Variants in MTCH2 observed in about 807,000 individuals in gnomAD.
MTCH2 encodes the protein mitochondrial carrier homolog 2.
Under a neutral mutation model 50.6 loss-of-function variants are expected in MTCH2, and 25 were observed. That is an observed-to-expected ratio of 0.49 (90% CI 0.36 to 0.69). The LOEUF is 0.69. Ranked by LOEUF, MTCH2 falls within the 30% of genes least tolerant of loss-of-function variation. MTCH2 has a pLI of 0.00. For synonymous variants in MTCH2, 106 were observed against 132.0 expected (o/e 0.80, Z 1.35); for missense variants, 273 against 384.4 (o/e 0.71, Z 2.42).
chr11:47,636,423 G>C (rs575490348), intron 3 of MTCH2, among the ~76,000 whole-genome samples: 30 of 144,140 alleles, frequency 2.1e-4, no homozygotes, highest in African/African-American at 7.8e-4. Context: ...AACAGAGCAA[G>C]ACTCCATCTC....
intron 9 of MTCH2, among the ~76,000 whole-genome samples, chr11:47,627,689 T>C (rs1046183911): frequency 1.3e-5 from 2 of 151,520 alleles, no homozygotes; most frequent in African/African-American, 4.9e-5. Context: ...GGAGGTGCAG[T>C]GAGCTGTGAT....
At chr11:47,613,422 C>T (rs977365083), downstream of MTCH2, among the ~76,000 whole-genome samples, 3 of 152,000 alleles carry the variant, frequency 2.0e-5, no homozygotes, top group African/African-American at 7.3e-5. Flanking sequence ...CCTGAATGAA[C>T]CCATCCATTC....
chr11:47,614,689 C>A (rs556360661), downstream of MTCH2, among the ~76,000 whole-genome samples: 1 of 152,328 alleles, frequency 6.6e-6, no homozygotes, highest in East Asian at 1.9e-4. Flanking sequence ...TTCAGCGATT[C>A]TCCTGCTTCA....
At chr11:47,607,766 G>A in the MTCH2 span, among the ~76,000 whole-genome samples, 21 of 152,300 alleles carry the variant, frequency 1.4e-4, no homozygotes, top group South Asian at 2.7e-3. Context: ...TGGGAAGACC[G>A]AATCCCGATG....
the MTCH2 span, among the ~76,000 whole-genome samples, chr11:47,608,553 A>AGAC: frequency 6.6e-6 from 1 of 152,184 alleles, no homozygotes; most frequent in Non-Finnish European, 1.5e-5. Flanking sequence ...CTTCCGTGGA[A>AGAC]GACAACAGAC....
intron 1 of MTCH2, among the ~76,000 whole-genome samples, chr11:47,640,012 T>C (rs1012234030): frequency 1.3e-5 from 2 of 152,150 alleles, no homozygotes; most frequent in Non-Finnish European, 2.9e-5. Context: ...TTGATTATTG[T>C]TGTGACTCTT....
chr11:47,639,192 G>A, intron 1 of MTCH2, 141 bp from the exon 2 acceptor site: 1 of 696,802 alleles, frequency 1.4e-6, no homozygotes, highest in Middle Eastern at 3.0e-4. Flanking sequence ...AGGCAATGAT[G>A]AAGCATCATT....
At chr11:47,638,926 C>T in intron 2 of MTCH2, 41 bp downstream of exon 2, 1 of 1,587,094 alleles carries the variant, frequency 6.3e-7, no homozygotes, top group Non-Finnish European at 8.6e-7. Context: ...CTATCACAGT[C>T]CTCAACGTCA....
Position 47,634,720 on chromosome 11 carries a change from TC to T in MTCH2, c.320del (p.Gly107GlufsTer22). ...AAGATGAGACTTCTTTCTGTACATT[TC>T]CAGGTCCTAACTCCTGGAAATCAAA... is the stretch of plus-strand genomic sequence containing the variant. ...ESDKGEELGP[G>X]NVQKEVSSSF... On this transcript the variant is annotated frameshift_variant, in exon 5 of 13. Transcript: ENST00000302503. LOFTEE classifies it high-confidence loss of function. 1 of 1,604,792 alleles carries T rather than the reference TC, an allele frequency of 6.2e-7. No individual in the cohort carries two copies. The highest frequency in any genetic ancestry group is 8.5e-7 in the Non-Finnish European group (1 of 1,173,900).
At chr11:47,632,609 C>A (rs533009598) in intron 5 of MTCH2, among the ~76,000 whole-genome samples, 1 of 152,092 alleles carries the variant, frequency 6.6e-6, no homozygotes, top group Non-Finnish European at 1.5e-5. Flanking sequence ...CCGCCCGCCT[C>A]GGCCTCCCAA....
downstream of MTCH2, among the ~76,000 whole-genome samples, chr11:47,613,314 CAG>C (rs1017620371): frequency 6.6e-6 from 1 of 152,124 alleles, no homozygotes; most frequent in Admixed American, 6.6e-5. Context: ...AAAGCCTAAA[CAG>C]AGCTCTGAAA....
At chr11:47,634,521 G>A (rs1003687297) in intron 5 of MTCH2, 151 bp downstream of exon 5, 1 of 571,964 alleles carries the variant, frequency 1.7e-6, no homozygotes. Flanking sequence ...TCTTTTTAAT[G>A]TTATACATGT....
rs1268502928 is a variant in MTCH2 at position 47,618,063 on chromosome 11, A to G, written c.*770T>C. ...TCTGCTTTTCATATTTTATGTGAAA[A>G]CAAGAACTTCCTTTGAGGAAAAAAG... On this transcript the variant is annotated 3_prime_UTR_variant, in exon 13 of 13. Coordinates refer to ENST00000302503, the MANE Select transcript of MTCH2 (RefSeq NM_014342.4). 3 of 152,248 alleles carry G rather than the reference A, an allele frequency of 2.0e-5. No individual in the cohort carries two copies. In the East Asian group the frequency reaches 5.8e-4, roughly 29 times the overall value. The allele number at this position is 152,248 out of a possible 1,614,324, so 9.4% of individuals were successfully genotyped here. A position where few individuals can be genotyped will look rare whatever the true frequency, so the allele number is the denominator to read the frequency against.
At chr11:47,611,414 C>T in the MTCH2 span, among the ~76,000 whole-genome samples, 1 of 152,252 alleles carries the variant, frequency 6.6e-6, no homozygotes, top group Non-Finnish European at 1.5e-5. Flanking sequence ...GCTAGATGGC[C>T]AGCCAGAGTA....
chr11:47,629,640 C>A (rs987033231), intron 8 of MTCH2, among the ~76,000 whole-genome samples: 16 of 151,876 alleles, frequency 1.1e-4, no homozygotes, highest in African/African-American at 3.9e-4. Flanking sequence ...ATGAAACTCT[C>A]AGAGCATCAA....
At chr11:47,615,274 T>A (rs1263022092), downstream of MTCH2, among the ~76,000 whole-genome samples, 1 of 152,136 alleles carries the variant, frequency 6.6e-6, no homozygotes, top group Admixed American at 6.6e-5. Context: ...TTGGCCTGTT[T>A]TAAAGGACTA....
chr11:47,612,470 C>A (rs963422940), downstream of MTCH2, among the ~76,000 whole-genome samples: 1 of 151,900 alleles, frequency 6.6e-6, no homozygotes, highest in East Asian at 1.9e-4. Context: ...TGGGGGCTGA[C>A]GCAGAATGGT....
Position 47,618,928 on chromosome 11 carries a change from CA to C in MTCH2, c.826-10del. 7.0e-7 allele frequency: 1 copy of C among 1,419,246 alleles called. No individual in the cohort carries two copies. The allele number at this position is 1,419,246 out of a possible 1,614,324, so 87.9% of individuals were successfully genotyped here. A position where few individuals can be genotyped will look rare whatever the true frequency, so the allele number is the denominator to read the frequency against. The stretch of plus-strand genomic sequence containing the variant: ...CCTCGGCTCATATTCCCCTGGAAAA[CA>C]AAACAAAACAAAACACAAATAATAT... On this transcript the variant is annotated splice_polypyrimidine_tract_variant and intron_variant, in intron 12 of 12. Transcript: ENST00000302503.
At chr11:47,622,260 T>A (rs567833693) in intron 12 of MTCH2, among the ~76,000 whole-genome samples, 8 of 152,258 alleles carry the variant, frequency 5.3e-5, no homozygotes, top group Non-Finnish European at 7.4e-5. Flanking sequence ...TAAATTGGTA[T>A]CTAGGCAAAA....
Sources: gnomAD v4.1 joint callset for allele counts (sites outside exome capture counted in the v4.1 genomes callset) on GRCh38, gnomAD v4.1.1 for gene constraint, MANE v1.5 for transcripts, NCBI Gene and HGNC (gene_info 2026-07-23, HGNC 2026-07-21) for gene names.